The following TCF7L1 variants were observed in gnomAD, a reference collection of about 807,000 sequenced individuals.
TCF7L1 encodes the protein transcription factor 7-like 1.
TCF7L1 carries 18 observed loss-of-function variants against 63.7 expected under a neutral mutation model. The ratio of observed to expected loss-of-function variants is 0.28; its 90% CI spans 0.20 to 0.42. The LOEUF is 0.42. Ranked by LOEUF, TCF7L1 falls within the 10% of genes least tolerant of loss-of-function variation. The pLI, the probability that TCF7L1 is intolerant of heterozygous loss-of-function variation, is 1.00. For missense variants in TCF7L1, 654 were observed against 779.3 expected, an observed-to-expected ratio of 0.84 and a Z score of 1.91; for synonymous variants, 355 against 340.9, an observed-to-expected ratio of 1.04 and a Z score of -0.46.
intron 3 of TCF7L1, among the ~76,000 whole-genome samples, chr2:85,160,114 G>A (rs1678252499): frequency 6.6e-6 from 1 of 152,168 alleles, no homozygotes; most frequent in Non-Finnish European, 1.5e-5. Flanking sequence ...CAGTTTACGA[G>A]TTTTAACACA....
At chr2:85,153,952 G>A (rs902509932) in intron 3 of TCF7L1, among the ~76,000 whole-genome samples, 10 of 152,270 alleles carry the variant, frequency 6.6e-5, no homozygotes, top group African/African-American at 1.4e-4. Context: ...TGTTCACTTC[G>A]GGTATCTTTC....
chr2:85,209,631 A>G (rs1679498663), intron 3 of TCF7L1, among the ~76,000 whole-genome samples: 1 of 152,182 alleles, frequency 6.6e-6, no homozygotes, highest in African/African-American at 2.4e-5. Flanking sequence ...CTGCTTCAGA[A>G]TCATCACAGG....
chr2:85,290,424 C>G (rs1224248542), intron 4 of TCF7L1, among the ~76,000 whole-genome samples: 1 of 152,196 alleles, frequency 6.6e-6, no homozygotes, highest in Non-Finnish European at 1.5e-5. Flanking sequence ...GATCCGCCTG[C>G]CTCAGTCTCC....
intron 3 of TCF7L1, among the ~76,000 whole-genome samples, chr2:85,147,734 T>C (rs1003354158): frequency 1.3e-5 from 2 of 152,130 alleles, no homozygotes; most frequent in Admixed American, 1.3e-4. Context: ...CTATACACCA[T>C]ATGTAATAAT....
intron 3 of TCF7L1, among the ~76,000 whole-genome samples, chr2:85,241,437 G>GC (rs1680324594): frequency 1.2e-5 from 1 of 83,028 alleles, no homozygotes. Flanking sequence ...CTTTGTTTTT[G>GC]TTTTTTTTTT....
At chr2:85,151,593 TATA>T (rs1345317021) in intron 3 of TCF7L1, among the ~76,000 whole-genome samples, 3 of 152,208 alleles carry the variant, frequency 2.0e-5, no homozygotes, top group Non-Finnish European at 4.4e-5. Flanking sequence ...GTCTATCAGT[TATA>T]ATATTTTTAA....
At position 85,242,437 on chromosome 2, in the gene TCF7L1, T is replaced by A. The variant is rs545983280; in HGVS notation, c.442-41058T>A. ...AATGGTCCTCCATCACCTTGAGGTTTTGTCAGCTTGACGTCCTCATCCAAG... is the reference window on the plus strand; with the variant it reads ...AATGGTCCTCCATCACCTTGAGGTTATGTCAGCTTGACGTCCTCATCCAAG... On this transcript the variant is annotated intron_variant, in intron 3 of 11. Transcript: ENST00000282111. 3.3e-5 allele frequency among the ~76,000 whole-genome samples: 5 copies of A among 152,354 alleles called. No homozygotes were observed. In the South Asian group the frequency reaches 1.0e-3, roughly 32 times the overall value.
At chr2:85,205,208 A>G (rs994881444) in intron 3 of TCF7L1, among the ~76,000 whole-genome samples, 3 of 152,208 alleles carry the variant, frequency 2.0e-5, no homozygotes, top group African/African-American at 7.2e-5. Context: ...TTTTAAAATA[A>G]TAAATGTATA....
At chr2:85,207,305 C>T (rs1679430003) in intron 3 of TCF7L1, among the ~76,000 whole-genome samples, 1 of 152,152 alleles carries the variant, frequency 6.6e-6, no homozygotes, top group African/African-American at 2.4e-5. Context: ...TTGTCTTTCA[C>T]ACCACTTTGT....
intron 3 of TCF7L1, among the ~76,000 whole-genome samples, chr2:85,177,152 C>T (rs796333204): frequency 1.1e-4 from 17 of 152,248 alleles, no homozygotes; most frequent in African/African-American, 3.9e-4. Flanking sequence ...AGACTGCTGA[C>T]TTCTTGCATT....
chr2:85,288,518 T>C (rs1681614251), intron 4 of TCF7L1, among the ~76,000 whole-genome samples: 1 of 152,050 alleles, frequency 6.6e-6, no homozygotes, highest in Admixed American at 6.6e-5. Flanking sequence ...GATTATGAAA[T>C]GTATTTTAGA....
intron 3 of TCF7L1, among the ~76,000 whole-genome samples, chr2:85,219,008 A>G (rs1213175688): frequency 1.3e-5 from 2 of 152,110 alleles, no homozygotes; most frequent in Non-Finnish European, 2.9e-5. Flanking sequence ...TACAAAAAAT[A>G]AAATAAAATA....
intron 6 of TCF7L1, 30 bp downstream of exon 6, chr2:85,304,027 G>C (rs762558019): frequency 2.0e-6 from 3 of 1,483,834 alleles, no homozygotes; most frequent in South Asian, 1.2e-5. Flanking sequence ...TCTTCCCCCT[G>C]CTCCCTCCTT....
At chr2:85,165,298 G>A (rs1678391646) in intron 3 of TCF7L1, among the ~76,000 whole-genome samples, 1 of 152,234 alleles carries the variant, frequency 6.6e-6, no homozygotes, top group South Asian at 2.1e-4. Flanking sequence ...GTGCGCCTGT[G>A]TAGACTACGG....
At chr2:85,307,740 C>T (rs1276560802) in intron 11 of TCF7L1, 23 bp downstream of exon 11, 2 of 1,608,076 alleles carry the variant, frequency 1.2e-6, no homozygotes, top group Admixed American at 1.7e-5. Context: ...GCACTGGCCT[C>T]TTCTCCTGCT....
chr2:85,279,614 G>A (rs572022384), intron 3 of TCF7L1, among the ~76,000 whole-genome samples: 7 of 152,250 alleles, frequency 4.6e-5, no homozygotes, highest in Admixed American at 2.6e-4. Context: ...TGCAGAGGCC[G>A]TCCATGGCCA....
chr2:85,197,672 A>T (rs1310275562), intron 3 of TCF7L1, among the ~76,000 whole-genome samples: 2 of 152,246 alleles, frequency 1.3e-5, no homozygotes, highest in African/African-American at 4.8e-5. Flanking sequence ...GACAACTGTC[A>T]ATCGTCACCC....
intron 3 of TCF7L1, among the ~76,000 whole-genome samples, chr2:85,265,735 A>C (rs1003654132): frequency 6.6e-6 from 1 of 151,776 alleles, no homozygotes; most frequent in African/African-American, 2.4e-5. Context: ...CAGAAATGAG[A>C]GGCTGAAGAT....
At chr2:85,137,351 G>T (rs965246552) in intron 3 of TCF7L1, among the ~76,000 whole-genome samples, 3 of 152,150 alleles carry the variant, frequency 2.0e-5, no homozygotes, top group African/African-American at 7.2e-5. Flanking sequence ...CTCTGGTTTG[G>T]CTGGGATGCT....
Sources: allele counts gnomAD v4.1 joint callset (sites outside exome capture counted in the v4.1 genomes callset), GRCh38; gene constraint gnomAD v4.1.1; transcripts MANE v1.5; gene names NCBI Gene and HGNC (gene_info 2026-07-23, HGNC 2026-07-21).